UNC5C: variants seen among roughly 807,000 people sequenced by gnomAD.
UNC5C encodes netrin receptor UNC5C.
A neutral mutation model predicts 99.8 loss-of-function variants in UNC5C; 47 were observed. That is an observed-to-expected ratio of 0.47 (90% CI 0.37 to 0.60). The LOEUF is 0.60. Among genes scored for constraint, UNC5C ranks in the 20% least tolerant of loss-of-function variants. UNC5C has a pLI of 0.00. For missense variants in UNC5C, 1,062 were observed against 1,165.9 expected (o/e 0.91, Z 1.30); for synonymous variants, 487 against 452.2 (o/e 1.08, Z -0.98).
chr4:95,459,771 C>T (rs1747546911), intron 1 of UNC5C, among the ~76,000 whole-genome samples: 1 of 152,058 alleles, frequency 6.6e-6, no homozygotes, highest in Non-Finnish European at 1.5e-5. Flanking sequence ...CCCAGAATGG[C>T]CTAAAAGAAT....
At chr4:95,542,684 A>T (rs1722948777) in intron 1 of UNC5C, among the ~76,000 whole-genome samples, 1 of 152,156 alleles carries the variant, frequency 6.6e-6, no homozygotes, top group Non-Finnish European at 1.5e-5. Flanking sequence ...TAATTCTGAA[A>T]TTTCAGCTCA....
chr4:95,357,390 C>T (rs959292815), intron 1 of UNC5C, among the ~76,000 whole-genome samples: 1 of 152,072 alleles, frequency 6.6e-6, no homozygotes, highest in South Asian at 2.1e-4. Context: ...CCCTCCTCAG[C>T]CTCCCAAAGT....
intron 7 of UNC5C, among the ~76,000 whole-genome samples, chr4:95,229,300 G>A (rs1047600824): frequency 1.5e-5 from 2 of 129,326 alleles, no homozygotes; most frequent in African/African-American, 5.9e-5. Flanking sequence ...GACAGGCCCC[G>A]ATGTTCCATG....
chr4:95,449,090 A>C (rs1332879734), intron 1 of UNC5C, among the ~76,000 whole-genome samples: 1 of 152,196 alleles, frequency 6.6e-6, no homozygotes, highest in African/African-American at 2.4e-5. Flanking sequence ...TTATATCAAC[A>C]AAAAAGACAC....
chr4:95,193,859 C>G (rs1737262544), intron 12 of UNC5C, among the ~76,000 whole-genome samples: 1 of 152,198 alleles, frequency 6.6e-6, no homozygotes, highest in Non-Finnish European at 1.5e-5. Context: ...GACTGTCAGC[C>G]CGGCCTCTCC....
At chr4:95,542,841 T>A (rs1722951506) in intron 1 of UNC5C, among the ~76,000 whole-genome samples, 1 of 152,142 alleles carries the variant, frequency 6.6e-6, no homozygotes, top group Non-Finnish European at 1.5e-5. Flanking sequence ...CTGATCTTGT[T>A]AGCTCATAAA....
chr4:95,542,384 C>G (rs1560500130), intron 1 of UNC5C, among the ~76,000 whole-genome samples: 1 of 152,184 alleles, frequency 6.6e-6, no homozygotes, highest in Non-Finnish European at 1.5e-5. Flanking sequence ...TTTTGAATCA[C>G]TGCTCATTGC....
chr4:95,206,621 A>C lies in UNC5C; in HGVS notation c.1902+7T>G, dbSNP rs368775370. 7.1e-5 allele frequency: 115 copies of C among 1,613,946 alleles called. 1 individual carries two copies. The highest frequency in any genetic ancestry group is 8.2e-5 in the Non-Finnish European group (97 of 1,180,000). ...TGCATAGCATCTTTATCCCGACAGC[A>C]GCTCACCTCCCACTGTCCCTGTGCT... is the stretch of plus-strand genomic sequence containing the variant. On this transcript the variant is annotated splice_region_variant and intron_variant, in intron 11 of 15. Transcript: ENST00000453304.
intron 1 of UNC5C, among the ~76,000 whole-genome samples, chr4:95,479,750 T>C (rs1346197116): frequency 6.6e-6 from 1 of 151,928 alleles, no homozygotes; most frequent in Non-Finnish European, 1.5e-5. Context: ...AATACAATAG[T>C]TAATTTTATG....
intron 4 of UNC5C, among the ~76,000 whole-genome samples, chr4:95,263,567 T>A (rs919102929): frequency 6.6e-6 from 1 of 152,202 alleles, no homozygotes; most frequent in Non-Finnish European, 1.5e-5. Context: ...GTTGTGTTTA[T>A]GCTGCACTTT....
chr4:95,256,031 C>T (rs900209206), intron 4 of UNC5C, among the ~76,000 whole-genome samples: 2 of 151,992 alleles, frequency 1.3e-5, no homozygotes, highest in Non-Finnish European at 2.9e-5. Flanking sequence ...CCGGTTACTC[C>T]CTTCCTCCTC....
chr4:95,335,026 G>A lies in UNC5C; in HGVS notation c.346+384C>T, dbSNP rs1384869. Among the ~76,000 whole-genome samples, 325 of 151,906 alleles carry A rather than the reference G, an allele frequency of 2.1e-3. 5 individuals are homozygous for A. The highest frequency in any genetic ancestry group is 0.02 in the Admixed American group (305 of 15,228). ...TAACATTAGACATTAATGTAAACAC[G>A]TTCAATTTATCCAAGTTAAAAATGC... On this transcript the variant is annotated intron_variant, in intron 2 of 15. Transcript: ENST00000453304.
At chr4:95,501,931 G>T (rs939770610) in intron 1 of UNC5C, among the ~76,000 whole-genome samples, 1 of 152,062 alleles carries the variant, frequency 6.6e-6, no homozygotes, top group Non-Finnish European at 1.5e-5. Context: ...TTGATTGGAA[G>T]CCTGTGGTGA....
At chr4:95,171,909 T>C (rs1051124392) in intron 14 of UNC5C, among the ~76,000 whole-genome samples, 38 of 152,054 alleles carry the variant, frequency 2.5e-4, no homozygotes, top group Admixed American at 1.7e-3. Flanking sequence ...TGTCGTTTCC[T>C]GACTTTTTAA....
In UNC5C at chr4:95,468,139, T is replaced by G. The variant is rs558941362; in HGVS notation, c.124+80595A>C. Among the ~76,000 whole-genome samples the G allele has an allele frequency of 3.1e-3, 468 of 151,672 alleles. 2 individuals are homozygous for G. Among genetic ancestry groups the G allele is most frequent in the Admixed American group, 7.0e-3 (107 of 15,222 alleles). On this transcript the variant is annotated intron_variant, in intron 1 of 15. Coordinates refer to ENST00000453304, the MANE Select transcript of UNC5C (RefSeq NM_003728.4). Reference sequence around the variant, plus strand: ...TATCTGTTTTTTGGGTTTTTTTTTTTTTTGTTTTTTCATTTCTTTAAAACT... The same window carrying G: ...TATCTGTTTTTTGGGTTTTTTTTTTGTTTGTTTTTTCATTTCTTTAAAACT...
At chr4:95,175,734 T>C (rs1736314722) in intron 14 of UNC5C, among the ~76,000 whole-genome samples, 1 of 152,198 alleles carries the variant, frequency 6.6e-6, no homozygotes, top group Non-Finnish European at 1.5e-5. Context: ...GGACTTTCTC[T>C]TCTTGAGGAG....
At chr4:95,245,587 T>C (rs1739474704) in intron 5 of UNC5C, among the ~76,000 whole-genome samples, 1 of 152,224 alleles carries the variant, frequency 6.6e-6, no homozygotes, top group Non-Finnish European at 1.5e-5. Flanking sequence ...TTTTTAAGCA[T>C]ATGTAAACTT....
chr4:95,369,873 C>T (rs762772616), intron 1 of UNC5C, among the ~76,000 whole-genome samples: 5 of 151,652 alleles, frequency 3.3e-5, no homozygotes, highest in Non-Finnish European at 5.9e-5. Flanking sequence ...ATGGATAAAA[C>T]TGCTTTTTGT....
intron 2 of UNC5C, among the ~76,000 whole-genome samples, chr4:95,314,185 A>C (rs918345321): frequency 6.6e-6 from 1 of 152,208 alleles, no homozygotes; most frequent in African/African-American, 2.4e-5. Flanking sequence ...CCAGATGAGA[A>C]AGACATGACT....
Sources: allele counts gnomAD v4.1 joint callset (sites outside exome capture counted in the v4.1 genomes callset), GRCh38; gene constraint gnomAD v4.1.1; transcripts MANE v1.5; gene names NCBI Gene and HGNC (gene_info 2026-07-23, HGNC 2026-07-21).